The following SDK1 variants were observed in gnomAD, a reference collection of about 807,000 sequenced individuals.
SDK1 encodes protein sidekick-1.
A neutral mutation model predicts 245.5 loss-of-function variants in SDK1; 157 were observed. That is an observed-to-expected ratio of 0.64 (90% CI 0.56 to 0.73). The LOEUF (loss-of-function observed/expected upper bound fraction) is 0.73, where lower values mean the gene tolerates loss of function less well. Among genes scored for constraint, SDK1 ranks in the 30% least tolerant of loss-of-function variants. SDK1 has a pLI of 0.00. For missense variants in SDK1, 3,583 were observed against 3,002.3 expected (o/e 1.19, Z -4.52); for synonymous variants, 1,647 against 1,278.5 (o/e 1.29, Z -6.15).
chr7:3,636,464 T>A (rs898099017), intron 2 of SDK1, among the ~76,000 whole-genome samples: 1 of 152,222 alleles, frequency 6.6e-6, no homozygotes, highest in African/African-American at 2.4e-5. Flanking sequence ...CAGGTAGGAT[T>A]TGTTCTTCTG....
intron 5 of SDK1, among the ~76,000 whole-genome samples, chr7:3,902,733 G>C (rs538671336): frequency 6.6e-6 from 1 of 152,280 alleles, no homozygotes; most frequent in East Asian, 1.9e-4. Flanking sequence ...TCCATGCCTT[G>C]TACTCCATTC....
chr7:3,377,943 T>A (rs756852068), intron 1 of SDK1, among the ~76,000 whole-genome samples: 11 of 152,050 alleles, frequency 7.2e-5, no homozygotes, highest in Non-Finnish European at 1.3e-4. Context: ...CATGCCCAGC[T>A]AATTTTTGTA....
In SDK1 at chr7:3,929,260, G is replaced by A. The variant is rs773281386; in HGVS notation, c.848-21663G>A. On this transcript the variant is annotated intron_variant, in intron 5 of 44. Transcript: ENST00000404826. The stretch of plus-strand genomic sequence containing the variant: ...ACTGATTATTTTGACTTGATGAAGC[G>A]TTGCTCTTGATCTACAGATTCCTCG... Among the ~76,000 whole-genome samples, 16 of 152,294 alleles carry A rather than the reference G, an allele frequency of 1.1e-4. 1 individual carries two copies. In the South Asian group the frequency reaches 2.5e-3, roughly 24 times the overall value.
chr7:3,395,538 T>C lies in SDK1; in HGVS notation c.298+93654T>C, dbSNP rs145892325. Among the ~76,000 whole-genome samples, 873 of 152,056 alleles carry C rather than the reference T, an allele frequency of 5.7e-3. 15 individuals are homozygous for C. The highest frequency in any genetic ancestry group is 0.014 in the Admixed American group (216 of 15,268). On this transcript the variant is annotated intron_variant, in intron 1 of 44. Coordinates refer to ENST00000404826, the MANE Select transcript of SDK1 (RefSeq NM_152744.4). ...GTAATATTCTTAAATCTACTTCTTA[T>C]ACTTCTCGGAAGAATTTGTGGAGTA...
intron 4 of SDK1, among the ~76,000 whole-genome samples, chr7:3,794,674 C>A (rs1050695670): frequency 1.3e-5 from 2 of 152,092 alleles, no homozygotes; most frequent in Non-Finnish European, 2.9e-5. Flanking sequence ...GAAGGCCCTC[C>A]CCAGATATAG....
chr7:3,340,034 G>T (rs1780304722), intron 1 of SDK1, among the ~76,000 whole-genome samples: 1 of 152,132 alleles, frequency 6.6e-6, no homozygotes, highest in South Asian at 2.1e-4. Context: ...TGCAGCCATT[G>T]AAAGGATAAT....
chr7:3,723,588 T>C (rs1778891287), intron 4 of SDK1, among the ~76,000 whole-genome samples: 1 of 152,086 alleles, frequency 6.6e-6, no homozygotes, highest in Non-Finnish European at 1.5e-5. Context: ...GAAATTAAAG[T>C]ATATGTTGTT....
chr7:3,518,370 GC>G (rs1368769440), intron 1 of SDK1, among the ~76,000 whole-genome samples: 1 of 151,702 alleles, frequency 6.6e-6, no homozygotes, highest in Non-Finnish European at 1.5e-5. Context: ...CTTCTGCACA[GC>G]AAAGGAAACA....
intron 1 of SDK1, among the ~76,000 whole-genome samples, chr7:3,545,215 G>C (rs1190921681): frequency 6.6e-6 from 1 of 152,130 alleles, no homozygotes; most frequent in Non-Finnish European, 1.5e-5. Context: ...CAATGAGAAA[G>C]AACTATGAGG....
chr7:4,045,943 GT>G (rs1392415121), intron 17 of SDK1, among the ~76,000 whole-genome samples: 1 of 151,940 alleles, frequency 6.6e-6, no homozygotes, highest in Non-Finnish European at 1.5e-5. Context: ...TGCATAGTAG[GT>G]TTTTGTTCTT....
At chr7:3,806,394 C>A in intron 4 of SDK1, among the ~76,000 whole-genome samples, 1 of 152,054 alleles carries the variant, frequency 6.6e-6, no homozygotes, top group African/African-American at 2.4e-5. Flanking sequence ...ACGTGGATGT[C>A]CTTGGGGGCC....
chr7:3,381,564 G>A (rs1017101485), intron 1 of SDK1, among the ~76,000 whole-genome samples: 1 of 152,164 alleles, frequency 6.6e-6, no homozygotes, highest in Non-Finnish European at 1.5e-5. Context: ...TTGTTTTAAA[G>A]GCTGGCGATA....
chr7:4,232,263 A>G (rs1190872827), intron 40 of SDK1, among the ~76,000 whole-genome samples: 1 of 151,660 alleles, frequency 6.6e-6, no homozygotes, highest in Non-Finnish European at 1.5e-5. Flanking sequence ...CCACACAGCT[A>G]ATTGAATTGG....
intron 44 of SDK1, among the ~76,000 whole-genome samples, chr7:4,260,961 A>T (rs1373262108): frequency 1.3e-5 from 2 of 152,226 alleles, no homozygotes; most frequent in Non-Finnish European, 2.9e-5. Flanking sequence ...CCACAGATGG[A>T]TTCAGCTGTT....
chr7:3,562,099 A>G (rs1779768709), intron 1 of SDK1, among the ~76,000 whole-genome samples: 1 of 152,194 alleles, frequency 6.6e-6, no homozygotes, highest in Non-Finnish European at 1.5e-5. Flanking sequence ...TGTCTCTACA[A>G]TGTGTTGCCT....
At chr7:3,502,781 A>G (rs1782259876) in intron 1 of SDK1, among the ~76,000 whole-genome samples, 1 of 152,202 alleles carries the variant, frequency 6.6e-6, no homozygotes, top group Non-Finnish European at 1.5e-5. Context: ...TTAACAACAC[A>G]TTTCTTACAC....
At position 4,181,649 on chromosome 7, in the gene SDK1, C is replaced by A. The variant is rs142773816; in HGVS notation, c.5098+3063C>A. On this transcript the variant is annotated intron_variant, in intron 35 of 44. Transcript: ENST00000404826. ...CAACACACCCACACCCTCCACGTGA[C>A]TCACCTCTGCCCAGAGGCCTGGGCT... is the stretch of plus-strand genomic sequence containing the variant. Among the ~76,000 whole-genome samples the A allele has an allele frequency of 3.5e-3, 539 of 152,296 alleles. 24 individuals carry two copies. In the South Asian group the frequency reaches 0.096, roughly 27 times the overall value.
In SDK1 at chr7:3,607,147, G is replaced by A. The variant is rs188591163; in HGVS notation, c.299-11933G>A. 4.1e-3 allele frequency among the ~76,000 whole-genome samples: 622 copies of A among 151,854 alleles called. 16 individuals carry two copies. Among genetic ancestry groups the A allele is most frequent in the Admixed American group, 0.038 (572 of 15,248 alleles). ...TCACTACCTGCACTACACAAAGGAA[G>A]GCCCTTTTTTTTTTTAGTTTTTAAA... On this transcript the variant is annotated intron_variant, in intron 1 of 44. Transcript: ENST00000404826.
chr7:3,321,063 G>A (rs945267386), intron 1 of SDK1, among the ~76,000 whole-genome samples: 5 of 152,092 alleles, frequency 3.3e-5, no homozygotes, highest in African/African-American at 9.7e-5. Flanking sequence ...TGGATGTCTT[G>A]CAATCCTAAA....
Sources: allele counts gnomAD v4.1 joint callset (sites outside exome capture counted in the v4.1 genomes callset), GRCh38; gene constraint gnomAD v4.1.1; transcripts MANE v1.5; gene names NCBI Gene and HGNC (gene_info 2026-07-23, HGNC 2026-07-21).